Variants in ROBO2 observed in about 807,000 individuals in gnomAD.
ROBO2 encodes roundabout homolog 2.
In ROBO2, 53 loss-of-function variants were observed where a neutral mutation model predicts 160.8. The ratio of observed to expected loss-of-function variants is 0.33; its 90% confidence interval spans 0.26 to 0.41. The LOEUF is 0.41. ROBO2 is among the 10% of genes least tolerant of loss of function. The pLI is 1.00. For missense variants in ROBO2, 1,577 were observed against 1,722.4 expected, an observed-to-expected ratio of 0.92 and a Z score of 1.49; for synonymous variants, 664 against 611.7, an observed-to-expected ratio of 1.09 and a Z score of -1.26.
chr3:75,974,937 C>G (rs1031119066), intron 2 of ROBO2, among the ~76,000 whole-genome samples: 1 of 151,416 alleles, frequency 6.6e-6, no homozygotes, highest in Admixed American at 6.6e-5. Flanking sequence ...AATTGATGAG[C>G]TTTATTTTAT....
exon 26 of ROBO2, chr3:77,646,345 T>C: frequency 3.1e-6 from 1 of 317,518 alleles, no homozygotes; most frequent in Non-Finnish European, 5.7e-6. Flanking sequence ...TAATTTCTTT[T>C]GTGCATTGCT....
intron 2 of ROBO2, among the ~76,000 whole-genome samples, chr3:77,100,223 G>T: frequency 6.6e-6 from 1 of 152,010 alleles, no homozygotes; most frequent in East Asian, 1.9e-4. Context: ...TGAGCTTTAA[G>T]AAATACTTGA....
chr3:76,801,117 G>A (rs890513271), intron 2 of ROBO2, among the ~76,000 whole-genome samples: 1 of 152,174 alleles, frequency 6.6e-6, no homozygotes, highest in Non-Finnish European at 1.5e-5. Flanking sequence ...TATAACACTG[G>A]AGGACATTAT....
intron 2 of ROBO2, among the ~76,000 whole-genome samples, chr3:76,557,488 T>A (rs544516432): frequency 1.3e-5 from 2 of 152,020 alleles, no homozygotes; most frequent in African/African-American, 2.4e-5. Flanking sequence ...AAAGATCAAA[T>A]GAATTATCTT....
chr3:76,322,222 TAC>T (rs1307047090), intron 2 of ROBO2, among the ~76,000 whole-genome samples: 3 of 145,040 alleles, frequency 2.1e-5, no homozygotes, highest in Non-Finnish European at 4.5e-5. Flanking sequence ...CACACATATA[TAC>T]ACACAGACAT....
chr3:77,181,813 A>T (rs2080813183), intron 2 of ROBO2, among the ~76,000 whole-genome samples: 1 of 152,094 alleles, frequency 6.6e-6, no homozygotes, highest in South Asian at 2.1e-4. Flanking sequence ...AATATTTTAA[A>T]ATGCGAAGTC....
intron 2 of ROBO2, among the ~76,000 whole-genome samples, chr3:76,567,742 T>TA (rs1221344647): frequency 2.4e-3 from 26 of 10,758 alleles, no homozygotes; most frequent in East Asian, 0.01. Flanking sequence ...TATATACTGT[T>TA]TTATATATAT....
intron 4 of ROBO2, among the ~76,000 whole-genome samples, chr3:77,485,376 A>C (rs2085224804): frequency 6.6e-6 from 1 of 152,078 alleles, no homozygotes; most frequent in South Asian, 2.1e-4. Context: ...GATGCTCTTG[A>C]GAAGTCTACT....
chr3:76,631,661 G>T (rs1159736277), intron 2 of ROBO2, among the ~76,000 whole-genome samples: 1 of 152,082 alleles, frequency 6.6e-6, no homozygotes, highest in Non-Finnish European at 1.5e-5. Context: ...AAATCCTTTT[G>T]CATAGAGTTA....
At chr3:77,239,629 G>A (rs778550425) in intron 2 of ROBO2, among the ~76,000 whole-genome samples, 23 of 152,264 alleles carry the variant, frequency 1.5e-4, no homozygotes, top group Non-Finnish European at 2.6e-4. Flanking sequence ...ACAGGGTGCC[G>A]ATTGGTGCGT....
chr3:76,886,614 C>T (rs918075377), intron 2 of ROBO2, among the ~76,000 whole-genome samples: 2 of 151,952 alleles, frequency 1.3e-5, no homozygotes, highest in African/African-American at 4.8e-5. Flanking sequence ...GTGATTAAAA[C>T]ATAAAAAGCA....
chr3:75,918,634 A>G (rs1354750516), intron 1 of ROBO2, among the ~76,000 whole-genome samples: 1 of 152,054 alleles, frequency 6.6e-6, no homozygotes, highest in Non-Finnish European at 1.5e-5. Context: ...CAATATGGCC[A>G]TTTTCATGAT....
intron 2 of ROBO2, among the ~76,000 whole-genome samples, chr3:76,856,954 A>G (rs1250555358): frequency 6.6e-6 from 1 of 152,178 alleles, no homozygotes. Context: ...GGCATGTATT[A>G]CATGCAAGGA....
intron 2 of ROBO2, among the ~76,000 whole-genome samples, chr3:76,092,997 G>A (rs1253422806): frequency 6.6e-6 from 1 of 152,120 alleles, no homozygotes; most frequent in African/African-American, 2.4e-5. Flanking sequence ...TAGCCCAAAT[G>A]TAGAAAACTT....
chr3:75,963,181 T>TTTTA (rs761153603), intron 2 of ROBO2, among the ~76,000 whole-genome samples: 39 of 151,788 alleles, frequency 2.6e-4, no homozygotes, highest in East Asian at 1.8e-3. Context: ...TTTTATCTAT[T>TTTTA]TTTATTTATT....
At chr3:77,267,211 C>T (rs1357344550) in intron 2 of ROBO2, among the ~76,000 whole-genome samples, 3 of 152,048 alleles carry the variant, frequency 2.0e-5, no homozygotes, top group African/African-American at 7.2e-5. Flanking sequence ...GCCCAGGACT[C>T]CCAAGTTCAA....
At chr3:77,642,773 G>A (rs1357847406) in intron 24 of ROBO2, 2 of 456,588 alleles carry the variant, frequency 4.4e-6, no homozygotes, top group Non-Finnish European at 8.8e-6. Context: ...GAGAGAAAAG[G>A]AAGCTCTCTA....
intron 2 of ROBO2, among the ~76,000 whole-genome samples, chr3:75,988,692 A>G (rs1576394738): frequency 6.6e-6 from 1 of 151,772 alleles, no homozygotes; most frequent in Non-Finnish European, 1.5e-5. Context: ...GTTTTTATTC[A>G]TCTCCAAGTA....
At chr3:76,274,254 C>T (rs1246779174) in intron 2 of ROBO2, among the ~76,000 whole-genome samples, 1 of 151,516 alleles carries the variant, frequency 6.6e-6, no homozygotes, top group African/African-American at 2.4e-5. Context: ...TTTTGTGGAG[C>T]AACAACAAAA....
Sources: allele counts gnomAD v4.1 joint callset (sites outside exome capture counted in the v4.1 genomes callset), GRCh38; gene constraint gnomAD v4.1.1; transcripts MANE v1.5; gene names NCBI Gene and HGNC (gene_info 2026-07-23, HGNC 2026-07-21).